ARHGAP32: variants seen among roughly 807,000 people sequenced by gnomAD.
ARHGAP32 encodes rho GTPase-activating protein 32.
ARHGAP32 carries 51 observed loss-of-function variants against 186.5 expected under a neutral mutation model. The observed-to-expected ratio is 0.27, with a 90% CI of 0.22 to 0.35. The LOEUF is 0.35. Among genes scored for constraint, ARHGAP32 ranks in the 10% least tolerant of loss-of-function variants. The pLI, the probability that ARHGAP32 is intolerant of heterozygous loss-of-function variation, is 1.00. For missense variants in ARHGAP32, 2,186 were observed against 2,623.5 expected, an observed-to-expected ratio of 0.83 and a Z score of 3.64; for synonymous variants, 950 against 964.3, an observed-to-expected ratio of 0.99 and a Z score of 0.27.
At chr11:128,975,260 G>T (rs12281750) in intron 20 of ARHGAP32, among the ~76,000 whole-genome samples, 6 of 152,162 alleles carry the variant, frequency 3.9e-5, no homozygotes, top group South Asian at 2.1e-4. Flanking sequence ...GAGAGGAAAA[G>T]AACTCAGAAT....
chr11:129,257,559 A>G (rs889974322), intron 1 of ARHGAP32, among the ~76,000 whole-genome samples: 6 of 152,164 alleles, frequency 3.9e-5, no homozygotes, highest in African/African-American at 1.4e-4. Context: ...GGATCACTTG[A>G]GCTCAGGAGT....
chr11:129,030,216 C>T (rs2134959824), intron 11 of ARHGAP32, among the ~76,000 whole-genome samples: 1 of 152,252 alleles, frequency 6.6e-6, no homozygotes, highest in South Asian at 2.1e-4. Context: ...ACCTGGACCT[C>T]TTTTAGTTGA....
intron 5 of ARHGAP32, among the ~76,000 whole-genome samples, chr11:129,114,770 C>T (rs1942317204): frequency 1.3e-5 from 2 of 152,016 alleles, no homozygotes; most frequent in Admixed American, 6.6e-5. Context: ...AAATTTCTTC[C>T]AAATCTATCT....
intron 2 of ARHGAP32, among the ~76,000 whole-genome samples, chr11:129,133,759 A>G (rs1054231023): frequency 6.6e-6 from 1 of 152,220 alleles, no homozygotes; most frequent in African/African-American, 2.4e-5. Flanking sequence ...AGAAATGCTA[A>G]AAGAAGCTCT....
intron 1 of ARHGAP32, among the ~76,000 whole-genome samples, chr11:129,185,763 T>A (rs996781279): frequency 2.6e-5 from 4 of 151,860 alleles, no homozygotes; most frequent in African/African-American, 9.7e-5. Flanking sequence ...TCTTATTTTA[T>A]AAGGAAGAGA....
chr11:129,169,997 A>G (rs1273560666), intron 1 of ARHGAP32, among the ~76,000 whole-genome samples: 1 of 152,188 alleles, frequency 6.6e-6, no homozygotes, highest in East Asian at 1.9e-4. Flanking sequence ...ATAGGTTGAT[A>G]TAATGAACAC....
chr11:129,077,718 CAA>C (rs1177537762), intron 6 of ARHGAP32, among the ~76,000 whole-genome samples: 1 of 152,216 alleles, frequency 6.6e-6, no homozygotes, highest in South Asian at 2.1e-4. Flanking sequence ...TAGCTGAAGA[CAA>C]AAGACATAAT....
chr11:129,057,573 T>C (rs555767453), intron 10 of ARHGAP32, among the ~76,000 whole-genome samples: 10 of 152,156 alleles, frequency 6.6e-5, no homozygotes, highest in African/African-American at 1.4e-4. Flanking sequence ...AGCTGGGGGA[T>C]TGGTTCCAGA....
intron 2 of ARHGAP32, among the ~76,000 whole-genome samples, chr11:129,152,815 G>A (rs997928880): frequency 5.3e-5 from 8 of 152,116 alleles, no homozygotes; most frequent in African/African-American, 1.9e-4. Flanking sequence ...CATTGCCCCT[G>A]AGAACTGGCA....
At chr11:129,167,876 G>A (rs1841193636) in intron 1 of ARHGAP32, among the ~76,000 whole-genome samples, 1 of 152,126 alleles carries the variant, frequency 6.6e-6, no homozygotes, top group Admixed American at 6.5e-5. Flanking sequence ...CATGGCATGT[G>A]AATTCTTTTA....
intron 11 of ARHGAP32, among the ~76,000 whole-genome samples, chr11:129,039,205 A>T (rs1020393685): frequency 1.3e-5 from 2 of 152,198 alleles, no homozygotes; most frequent in Non-Finnish European, 2.9e-5. Context: ...GATTAAATAT[A>T]GTTACCATAT....
intron 5 of ARHGAP32, among the ~76,000 whole-genome samples, chr11:129,119,840 G>C (rs572883011): frequency 4.6e-5 from 7 of 152,082 alleles, no homozygotes; most frequent in South Asian, 2.1e-4. Context: ...CCCTGAGAAG[G>C]GGGTGAGCAT....
chr11:129,220,122 T>G (rs949407984), intron 1 of ARHGAP32, among the ~76,000 whole-genome samples: 2 of 152,208 alleles, frequency 1.3e-5, no homozygotes, highest in African/African-American at 4.8e-5. Flanking sequence ...ACAATGAATA[T>G]GTTTTCCCTA....
chr11:129,166,745 A>C (rs1358716524), intron 1 of ARHGAP32, among the ~76,000 whole-genome samples: 1 of 152,120 alleles, frequency 6.6e-6, no homozygotes, highest in African/African-American at 2.4e-5. Flanking sequence ...AGAAATAGTA[A>C]AGAGAATTCC....
At chr11:128,976,478 C>A in intron 20 of ARHGAP32, 85 bp downstream of exon 20, 1 of 1,115,140 alleles carries the variant, frequency 9.0e-7, no homozygotes, top group Non-Finnish European at 1.4e-6. Context: ...ATTTATTAAG[C>A]ACAGATATAT....
chr11:129,094,030 A>T (rs1271919571), intron 5 of ARHGAP32, among the ~76,000 whole-genome samples: 2 of 152,154 alleles, frequency 1.3e-5, no homozygotes, highest in Non-Finnish European at 2.9e-5. Context: ...CATAGATTAA[A>T]AACTGGCTGC....
Position 128,998,807 on chromosome 11 carries a change from A to G in ARHGAP32, c.1046-339T>C, listed in dbSNP as rs138899374. 2.4e-3 allele frequency among the ~76,000 whole-genome samples: 363 copies of G among 152,304 alleles called. 1 individual carries two copies. Among genetic ancestry groups the G allele is most frequent in the African/African-American group, 8.5e-3 (353 of 41,558 alleles). On this transcript the variant is annotated intron_variant, in intron 11 of 22. Transcript: ENST00000682385. ...ATTTCTTATGCCTGTCTTTACTGCAATCTCTGAACGTAAATTGTGAAGATT... is the reference window on the plus strand; with the variant it reads ...ATTTCTTATGCCTGTCTTTACTGCAGTCTCTGAACGTAAATTGTGAAGATT...
chr11:129,039,229 C>T (rs1385785472), intron 11 of ARHGAP32, among the ~76,000 whole-genome samples: 1 of 152,152 alleles, frequency 6.6e-6, no homozygotes, highest in African/African-American at 2.4e-5. Context: ...CCAGCAATCC[C>T]ACACCTGGAC....
intron 1 of ARHGAP32, among the ~76,000 whole-genome samples, chr11:129,263,719 G>A (rs1054032110): frequency 6.6e-6 from 1 of 151,630 alleles, no homozygotes; most frequent in African/African-American, 2.4e-5. Context: ...GGAAAGGAAA[G>A]GAAAGGAGAA....
Sources: gnomAD v4.1 joint callset for allele counts (sites outside exome capture counted in the v4.1 genomes callset) on GRCh38, gnomAD v4.1.1 for gene constraint, MANE v1.5 for transcripts, NCBI Gene and HGNC (gene_info 2026-07-23, HGNC 2026-07-21) for gene names.